PRDM15: variants seen among roughly 807,000 people sequenced by gnomAD.
The protein encoded by PRDM15 is PR/SET domain 15.
Under a neutral mutation model 128.6 loss-of-function variants are expected in PRDM15, and 64 were observed. That is an observed-to-expected ratio of 0.50 (90% CI 0.41 to 0.61). The LOEUF (loss-of-function observed/expected upper bound fraction) is 0.61, where lower values mean the gene tolerates loss of function less well. Among genes scored for constraint, PRDM15 ranks in the 20% least tolerant of loss-of-function variants. The pLI is 0.00. For missense variants in PRDM15, 1,242 were observed against 1,569.1 expected (o/e 0.79, Z 3.52); for synonymous variants, 615 against 621.8 (o/e 0.99, Z 0.16).
intron 13 of PRDM15, among the ~76,000 whole-genome samples, chr21:41,825,701 T>C (rs2146445100): frequency 6.6e-6 from 1 of 152,198 alleles, no homozygotes; most frequent in African/African-American, 2.4e-5. Flanking sequence ...AGGAGGAAAA[T>C]CATGGCAAAG....
Position 41,810,836 on chromosome 21 carries a change from C to A in PRDM15, c.2393G>T (p.Gly798Val), listed in dbSNP as rs758410546. The A allele has an allele frequency of 6.2e-7, 1 of 1,613,982 alleles. No homozygotes were observed. Among genetic ancestry groups the A allele is most frequent in the Admixed American group, 1.7e-5 (1 of 60,016 alleles). ...CAATTCACACATGAAATCTTTAATC[C>A]CTGCAGAGAAAGGCGCACATAACTT... The part of the protein sequence containing the change: ...NMLKHCKRHT[G>V]IKDFMCELCG... Residue 798 changes from glycine (G) to valine (V), a missense_variant and splice_region_variant, in exon 20 of 24, where the codon GGG (glycine) becomes GTG (valine). Transcript: ENST00000398548. This position sits in a 1 kb window ranked among gnomAD's most constrained non-coding sequence, Gnocchi z 6.4.
At chr21:41,872,747 G>A (rs2064258838) in intron 1 of PRDM15, among the ~76,000 whole-genome samples, 1 of 152,188 alleles carries the variant, frequency 6.6e-6, no homozygotes, top group South Asian at 2.1e-4. Context: ...GGGGGATGGT[G>A]AGGGCCAAAG....
chr21:41,806,260 ACCACCAC>A (rs2061603701), intron 21 of PRDM15, among the ~76,000 whole-genome samples: 1 of 2,692 alleles, frequency 3.7e-4, no homozygotes, highest in Non-Finnish European at 5.4e-4. Context: ...CACCACCATC[ACCACCAC>A]CCATCACCAC....
chr21:41,815,584 G>A (rs977196826), intron 19 of PRDM15, 121 bp downstream of exon 19: 41 of 1,364,420 alleles, frequency 3.0e-5, no homozygotes, highest in Admixed American at 1.1e-4. Context: ...TGGGGAACCC[G>A]GCACTCAGTG....
Position 41,854,799 on chromosome 21 carries a change from T to G in PRDM15, c.305A>C (p.His102Pro). ...GTTGGAGGTGTCGAAGCACACGGGG[T>G]GCCCGTCCTTCTGGAACACCTGAAG... Reference protein sequence around the residue: ...FPLKVFQKDGHPVCFDTSNED... With the variant: ...FPLKVFQKDGPPVCFDTSNED... Residue 102 changes from histidine to proline, a missense_variant, in exon 5 of 24, where the codon CAC becomes CCC. By Grantham distance (77) the His-to-Pro change is moderately conservative. Transcript: ENST00000398548. The surrounding 1 kb of genome is among the most constrained non-coding windows in gnomAD (Gnocchi z 4.6). The G allele has an allele frequency of 6.2e-7, 1 of 1,602,434 alleles. No homozygotes were observed. The highest frequency in any genetic ancestry group is 2.2e-5 in the East Asian group (1 of 44,514).
In PRDM15 at chr21:41,810,933, G is replaced by C; in HGVS notation, c.2393-97C>G. The C allele has an allele frequency of 9.4e-7, 1 of 1,059,210 alleles. No individual in the cohort carries two copies. The highest frequency in any genetic ancestry group is 1.8e-5 in the Admixed American group (1 of 54,596). 65.6% of individuals were successfully genotyped at this position (1,059,210 alleles called of 1,614,324 possible). A position where few individuals can be genotyped will look rare whatever the true frequency, so the allele number is the denominator to read the frequency against. ...CCCTGACACGTTCCAGGCACTGTAG[G>C]GCCTTCAGGAGAAGGTGAATTGCAA... On this transcript the variant is annotated intron_variant, in intron 19 of 23. Transcript: ENST00000398548. This position sits in a 1 kb window ranked among gnomAD's most constrained non-coding sequence, Gnocchi z 6.4.
intron 1 of PRDM15, among the ~76,000 whole-genome samples, chr21:41,868,825 G>A (rs1479257396): frequency 1.3e-5 from 2 of 151,398 alleles, no homozygotes; most frequent in African/African-American, 2.4e-5. Flanking sequence ...AAGTAACTGG[G>A]AGTACAGGTG....
chr21:41,876,354 G>T (rs2064414473), intron 1 of PRDM15, among the ~76,000 whole-genome samples: 1 of 152,222 alleles, frequency 6.6e-6, no homozygotes, highest in African/African-American at 2.4e-5. Context: ...CAGAGAAGCT[G>T]GTTCCAGAAA....
At position 41,879,174 on chromosome 21, in the gene PRDM15, C is replaced by G; in HGVS notation, c.-10+96G>C. 1.2e-6 allele frequency: 1 copy of G among 867,238 alleles called. No individual in the cohort carries two copies. Among genetic ancestry groups the G allele is most frequent in the Non-Finnish European group, 1.4e-6 (1 of 726,008 alleles). The allele number at this position is 867,238 out of a possible 1,614,324, so 53.7% of individuals were successfully genotyped here. On this transcript the variant is annotated intron_variant, in intron 1 of 23. Transcript: ENST00000398548. The surrounding 1 kb of genome is among the most constrained non-coding windows in gnomAD (Gnocchi z 5.1). ...CGCGGGGGGCGGGGGGCAGCGGGCC[C>G]AGGGCGCGCCGGGGCTCGCGGGGGC...
intron 6 of PRDM15, among the ~76,000 whole-genome samples, chr21:41,844,886 A>C (rs1192949807): frequency 2.4e-5 from 1 of 41,242 alleles, no homozygotes; most frequent in Non-Finnish European, 4.6e-5. Flanking sequence ...GGACACACAC[A>C]GCCCCTCCCC....
chr21:41,846,669 C>A (rs1280503128), intron 6 of PRDM15, among the ~76,000 whole-genome samples: 1 of 152,234 alleles, frequency 6.6e-6, no homozygotes, highest in East Asian at 1.9e-4. Context: ...TGCACTCCAG[C>A]CTGGACAACA....
At position 41,859,907 on chromosome 21, in the gene PRDM15, G is replaced by T. The variant is rs538163880; in HGVS notation, c.38-222C>A. Among the ~76,000 whole-genome samples, 23 of 152,246 alleles carry T rather than the reference G, an allele frequency of 1.5e-4. No homozygotes were observed. The South Asian group carries it at 4.6e-3, about 30-fold the overall frequency. On this transcript the variant is annotated intron_variant, in intron 2 of 23. Coordinates refer to ENST00000398548, the MANE Select transcript of PRDM15 (RefSeq NM_001040424.3). This position sits in a 1 kb window ranked among gnomAD's most constrained non-coding sequence, Gnocchi z 5.3. Reference sequence around the variant, plus strand: ...TCGTGCACACATGAGGAGTGCAAAGGCAGGACACGCCCCCAGGGAAAGCTC... The same window carrying T: ...TCGTGCACACATGAGGAGTGCAAAGTCAGGACACGCCCCCAGGGAAAGCTC...
chr21:41,843,950 TAAAAAAAAA>T (rs1555883669), intron 6 of PRDM15, among the ~76,000 whole-genome samples: 2 of 123,294 alleles, frequency 1.6e-5, no homozygotes, highest in African/African-American at 6.0e-5. Context: ...CCTTGTATTG[TAAAAAAAAA>T]AAAAAAAAAA....
intron 17 of PRDM15, 54 bp downstream of exon 17, chr21:41,820,041 C>T: frequency 6.7e-7 from 1 of 1,481,824 alleles, no homozygotes. Flanking sequence ...AGCATCCCTC[C>T]CTGCCAGCCC....
At position 41,801,364 on chromosome 21, in the gene PRDM15, A is replaced by T; in HGVS notation, c.3302T>A (p.Leu1101His). The T allele has an allele frequency of 6.2e-7, 1 of 1,609,412 alleles. No individual in the cohort carries two copies. The highest frequency in any genetic ancestry group is 8.5e-7 in the Non-Finnish European group (1 of 1,176,530). ...LGSQLSDQHP[L>H]TWRAVPQTDV... The stretch of plus-strand genomic sequence containing the variant: ...AGTCTGGGGCACTGCCCGCCACGTG[A>T]GCGGGTGCTGGTCACTAAGCTGGCT... The change falls in exon 24 of 24, where the codon CTC becomes CAC. Residue 1101 changes from leucine (L) to histidine (H), a missense_variant. By Grantham distance (99) the Leu-to-His change is moderately conservative. Transcript: ENST00000398548.
intron 21 of PRDM15, 24 bp from the exon 22 acceptor site, chr21:41,804,638 C>G (rs1422390283): frequency 5.2e-5 from 80 of 1,529,816 alleles, no homozygotes; most frequent in Non-Finnish European, 6.9e-5. Flanking sequence ...AGGGCATGAG[C>G]TGGGGGTCAG....
At chr21:41,835,584 C>T in intron 10 of PRDM15, 60 bp from the exon 11 acceptor site, 9 of 1,439,998 alleles carry the variant, frequency 6.3e-6, no homozygotes, top group Non-Finnish European at 8.7e-6. Context: ...AGATGCCGAG[C>T]CCCCGACGTG....
At chr21:41,843,372 G>C (rs1423383273) in intron 6 of PRDM15, among the ~76,000 whole-genome samples, 1 of 152,128 alleles carries the variant, frequency 6.6e-6, no homozygotes, top group Non-Finnish European at 1.5e-5. Context: ...CCTTGAACTA[G>C]GGAACGTCTC....
chr21:41,871,112 G>A (rs1351663215), intron 1 of PRDM15, among the ~76,000 whole-genome samples: 1 of 152,196 alleles, frequency 6.6e-6, no homozygotes, highest in Non-Finnish European at 1.5e-5. Flanking sequence ...TGGGTAGACA[G>A]AGGTTTTTTA....
Sources: gnomAD v4.1 joint callset for allele counts (sites outside exome capture counted in the v4.1 genomes callset) on GRCh38, gnomAD v4.1.1 for gene constraint, Gnocchi (gnomAD v3.1) non-coding constraint, MANE v1.5 for transcripts, NCBI Gene and HGNC (gene_info 2026-07-23, HGNC 2026-07-21) for gene names.